FNBP4: variants seen among roughly 807,000 people sequenced by gnomAD.
The protein encoded by FNBP4 is formin-binding protein 4.
Under a neutral mutation model 119.3 loss-of-function variants are expected in FNBP4, and 34 were observed. The ratio of observed to expected loss-of-function variants is 0.28; its 90% CI spans 0.22 to 0.38. The LOEUF is 0.38. FNBP4 is among the 10% of genes least tolerant of loss of function. The probability of loss-of-function intolerance (pLI) is 1.00; values close to 1 mark genes in which losing one functional copy is unlikely to be tolerated. For missense variants in FNBP4, 1,112 were observed against 1,228.9 expected (o/e 0.90, Z 1.42); for synonymous variants, 462 against 430.6 (o/e 1.07, Z -0.90).
At position 47,734,062 on chromosome 11, in the gene FNBP4, G is replaced by C. The variant is rs1317636440; in HGVS notation, c.1649C>G (p.Ser550Cys). 1.3e-6 allele frequency: 2 copies of C among 1,589,010 alleles called. No homozygotes were observed. The highest frequency in any genetic ancestry group is 1.7e-6 in the Non-Finnish European group (2 of 1,173,064). The change falls in exon 10 of 17, where the codon TCC (serine) becomes TGC (cysteine). Residue 550 changes from serine to cysteine, a missense_variant. Coordinates refer to ENST00000263773, the MANE Select transcript of FNBP4 (RefSeq NM_015308.5). ...GAGCAGCACATGAAAGTTGGAGATG[G>C]ATTGTCTATTAATGCCTAGAAACTC... ...KFEFLGINRQ[S>C]ISNFHVLLLQ...
chr11:47,733,885 G>T, intron 10 of FNBP4, 140 bp downstream of exon 10: 1 of 502,764 alleles, frequency 2.0e-6, no homozygotes. Flanking sequence ...TTATTTCCTG[G>T]ATTGTCGGCT....
chr11:47,730,592 T>G (rs1318527447), intron 12 of FNBP4, among the ~76,000 whole-genome samples: 1 of 152,222 alleles, frequency 6.6e-6, no homozygotes, highest in Non-Finnish European at 1.5e-5. Context: ...TTTTTAAAAT[T>G]TTCAAAGATC....
chr11:47,729,812 T>A (rs1225446366), intron 12 of FNBP4: 1 of 985,300 alleles, frequency 1.0e-6, no homozygotes, highest in Non-Finnish European at 1.2e-6. Flanking sequence ...AACTGTTGAT[T>A]ATTGCTCTTA....
chr11:47,717,991 G>A (rs1035457026), intron 16 of FNBP4, among the ~76,000 whole-genome samples: 1 of 151,672 alleles, frequency 6.6e-6, no homozygotes, highest in Non-Finnish European at 1.5e-5. Flanking sequence ...CCAACCTCAG[G>A]TGATCTGACT....
intron 8 of FNBP4, among the ~76,000 whole-genome samples, chr11:47,739,089 T>C (rs142494424): frequency 6.6e-6 from 1 of 151,516 alleles, no homozygotes; most frequent in East Asian, 1.9e-4. Context: ...CTTGACCTCC[T>C]CCAGCCTCAT....
intron 8 of FNBP4, among the ~76,000 whole-genome samples, chr11:47,739,120 CAA>C (rs962272266): frequency 6.6e-6 from 1 of 151,588 alleles, no homozygotes. Flanking sequence ...TTAGTAGAGA[CAA>C]AGTCTCACTA....
chr11:47,765,379 G>GAA lies in FNBP4; in HGVS notation c.221-19_221-18dup, dbSNP rs2097644922. On this transcript the variant is annotated splice_polypyrimidine_tract_variant and intron_variant, in intron 1 of 16. Transcript: ENST00000263773. ...CCTGTTCATCTGGATTAAAAAAAAA[G>GAA]AAAAGAAAAGAAAAGAAAAGAAAAG... 2 of 1,003,510 alleles carry GAA rather than the reference G, an allele frequency of 2.0e-6. No individual in the cohort carries two copies. Among genetic ancestry groups the GAA allele is most frequent in the East Asian group, 2.5e-5 (1 of 40,152 alleles). The allele number at this position is 1,003,510 out of a possible 1,614,324, so 62.2% of individuals were successfully genotyped here. A position where few individuals can be genotyped will look rare whatever the true frequency, so the allele number is the denominator to read the frequency against.
chr11:47,732,659 T>G lies in FNBP4; in HGVS notation c.1698A>C (p.Ala566=). 6.2e-7 allele frequency: 1 copy of G among 1,614,182 alleles called. No individual in the cohort carries two copies. The highest frequency in any genetic ancestry group is 8.5e-7 in the Non-Finnish European group (1 of 1,180,030). Residue 566 remains alanine, a synonymous_variant, in exon 11 of 17, where the codon GCA becomes GCC. Transcript: ENST00000263773. This position sits in a 1 kb window ranked among gnomAD's most constrained non-coding sequence, Gnocchi z 4.2. ...VLLLQTETRI[A]DWREGALNGN... is the part of the protein sequence containing the mutation. ...CATTAAGAGCCCCTTCCCGCCAGTC[T>G]GCAATTCGAGTCTAGAATAAACAGA... is the stretch of plus-strand genomic sequence containing the variant.
At chr11:47,722,308 G>A (rs2097556737) in intron 15 of FNBP4, among the ~76,000 whole-genome samples, 1 of 150,884 alleles carries the variant, frequency 6.6e-6, no homozygotes, top group Non-Finnish European at 1.5e-5. Flanking sequence ...GAATGCAGTG[G>A]TGCGATCTCA....
chr11:47,727,526 C>T (rs1052529635), intron 12 of FNBP4, among the ~76,000 whole-genome samples: 18 of 152,166 alleles, frequency 1.2e-4, no homozygotes, highest in Non-Finnish European at 2.1e-4. Flanking sequence ...GCTGGGATTA[C>T]AGATGTGAGC....
At position 47,744,057 on chromosome 11, in the gene FNBP4, G is replaced by C. The variant is rs772329150; in HGVS notation, c.1352C>G (p.Ser451Cys). 11 of 1,614,064 alleles carry C rather than the reference G, an allele frequency of 6.8e-6. No individual in the cohort carries two copies. The highest frequency in any genetic ancestry group is 8.5e-6 in the Non-Finnish European group (10 of 1,180,022). The change falls in exon 8 of 17, where the codon TCT becomes TGT. Residue 451 changes from serine (S) to cysteine (C), a missense_variant. Ser to Cys is a moderately radical substitution (Grantham distance 112, BLOSUM62 -1). This residue lies in a region of FNBP4 where 826 missense variants were observed against 988.8 expected (regional missense o/e 0.84). Transcript: ENST00000263773. ...ASQDGMRRLM[S>C]KRGKWKMFVR... is the part of the protein sequence containing the mutation. ...AAACATCTTCCATTTTCCTCTTTTA[G>C]ACATAAGCCTACGCATTCCATCTTG...
At position 47,716,857 on chromosome 11, in the gene FNBP4, T is replaced by A. The variant is rs1420580355; in HGVS notation, c.*565A>T. The A allele has an allele frequency of 6.6e-6, 1 of 152,570 alleles. No individual in the cohort carries two copies. Among genetic ancestry groups the A allele is most frequent in the Non-Finnish European group, 1.5e-5 (1 of 68,090 alleles). The allele number at this position is 152,570 out of a possible 1,614,324, so 9.5% of individuals were successfully genotyped here. On this transcript the variant is annotated 3_prime_UTR_variant, in exon 17 of 17. Coordinates refer to ENST00000263773, the MANE Select transcript of FNBP4 (RefSeq NM_015308.5). ...GGATATGAACACCTGCTGCTGCCTG[T>A]ATGCCACCTAGTGTGCGAAACGACC... is the stretch of plus-strand genomic sequence containing the variant.
intron 2 of FNBP4, among the ~76,000 whole-genome samples, chr11:47,760,484 C>G (rs549624916): frequency 6.7e-6 from 1 of 148,984 alleles, no homozygotes; most frequent in African/African-American, 2.5e-5. Context: ...CAGGCTGGAG[C>G]GCAGCAGCAC....
chr11:47,746,179 A>G lies in FNBP4; in HGVS notation c.1122T>C (p.Ile374=). ...EATTIVKPQE[I]MLDNIEDPSQ... is the part of the protein sequence containing the mutation. ...AAGGGTCTTCTATATTGTCCAACAT[A>G]ATTTCCTGTGGCTTTACTATTGTTG... Residue 374 remains isoleucine (I), a synonymous_variant, in exon 7 of 17, where the codon ATT becomes ATC. Transcript: ENST00000263773. 2 of 1,614,192 alleles carry G rather than the reference A, an allele frequency of 1.2e-6. No homozygotes were observed. The highest frequency in any genetic ancestry group is 1.7e-6 in the Non-Finnish European group (2 of 1,180,032).
At chr11:47,744,194 C>T (rs2097586158) in intron 7 of FNBP4, 31 bp from the exon 8 acceptor site, 9 of 1,518,784 alleles carry the variant, frequency 5.9e-6, no homozygotes, top group African/African-American at 1.4e-5. Flanking sequence ...AAGTTAGTGT[C>T]ATTAACTGCT....
intron 3 of FNBP4, among the ~76,000 whole-genome samples, chr11:47,753,800 GA>G (rs935523558): frequency 2.1e-4 from 31 of 149,092 alleles, no homozygotes; most frequent in South Asian, 4.2e-4. Context: ...TCTCGAGGGA[GA>G]AAAAAAAAAT....
Position 47,754,570 on chromosome 11 carries a change from G to A in FNBP4, c.408C>T (p.Asn136=). The A allele has an allele frequency of 6.2e-7, 1 of 1,614,078 alleles. No homozygotes were observed. The highest frequency in any genetic ancestry group is 8.5e-7 in the Non-Finnish European group (1 of 1,180,032). The change falls in exon 3 of 17, where the codon AAC becomes AAT. Residue 136 remains asparagine, a synonymous_variant. Transcript: ENST00000263773. ...ATGTACTATCAATATCAGTTGACTGGTTTCCATTTGTCTCTTTGGATTGTG... is the reference window on the plus strand; with the variant it reads ...ATGTACTATCAATATCAGTTGACTGATTTCCATTTGTCTCTTTGGATTGTG... ...KLAQSKETNG[N]QSTDIDSTLA...
chr11:47,755,437 G>A (rs188919082), intron 2 of FNBP4, among the ~76,000 whole-genome samples: 40 of 151,808 alleles, frequency 2.6e-4, no homozygotes, highest in Non-Finnish European at 5.1e-4. Context: ...CAACAACAGT[G>A]AAAATCCGTC....
At chr11:47,754,376 A>T in intron 3 of FNBP4, 152 bp downstream of exon 3, 1 of 751,082 alleles carries the variant, frequency 1.3e-6, no homozygotes, top group Non-Finnish European at 2.2e-6. Flanking sequence ...AAACAAAAAG[A>T]GAGATAGAGA....
Sources: gnomAD v4.1 joint callset for allele counts (sites outside exome capture counted in the v4.1 genomes callset) on GRCh38, gnomAD v4.1.1 for gene constraint, gnomAD v4.1.1 regional missense constraint, Gnocchi (gnomAD v3.1) non-coding constraint, MANE v1.5 for transcripts, NCBI Gene and HGNC (gene_info 2026-07-23, HGNC 2026-07-21) for gene names.